The following CATSPERD variants were observed in gnomAD, a reference collection of about 807,000 sequenced individuals.
CATSPERD encodes the protein catsper channel auxiliary subunit delta.
CATSPERD carries 86 observed loss-of-function variants against 98.1 expected under a neutral mutation model. That is an observed-to-expected ratio of 0.88 (90% confidence interval 0.74 to 1.05). The LOEUF is 1.05. Among genes scored for constraint, CATSPERD ranks in the 50% least tolerant of loss-of-function variants. The pLI is 0.00. For missense variants in CATSPERD, 995 were observed against 1,005.7 expected, an observed-to-expected ratio of 0.99 and a Z score of 0.14; for synonymous variants, 394 against 390.2, an observed-to-expected ratio of 1.01 and a Z score of -0.12.
In CATSPERD at chr19:5,751,531, CAAAAAAAAAAAAAAAAAAA is replaced by C. The variant is rs57266365; in HGVS notation, c.988-97_988-79del. The C allele has an allele frequency of 1.5e-3, 236 of 159,306 alleles. 1 individual carries two copies. Among genetic ancestry groups the C allele is most frequent in the South Asian group, 2.1e-3 (18 of 8,580 alleles). The allele number at this position is 159,306 out of a possible 1,614,324, so 9.9% of individuals were successfully genotyped here. On this transcript the variant is annotated intron_variant, in intron 11 of 21. Coordinates refer to ENST00000381624, the MANE Select transcript of CATSPERD (RefSeq NM_152784.4). ...CCTGGGAGACAGAGTGAGACTCCAT[CAAAAAAAAAAAAAAAAAAA>C]AAAAAAAAAAAAAAAAAATCTGCAT...
intron 16 of CATSPERD, among the ~76,000 whole-genome samples, chr19:5,764,266 T>C (rs932150060): frequency 1.3e-5 from 2 of 148,966 alleles, no homozygotes; most frequent in Non-Finnish European, 3.0e-5. Context: ...GAATCTTGCA[T>C]TCTGTTCTAA....
chr19:5,765,091 T>C (rs547161384), intron 16 of CATSPERD, among the ~76,000 whole-genome samples: 109 of 152,242 alleles, frequency 7.2e-4, no homozygotes, highest in South Asian at 1.9e-3. Flanking sequence ...TTATTTTTCA[T>C]AGAGATGAGG....
intron 15 of CATSPERD, 81 bp downstream of exon 15, chr19:5,759,225 G>C: frequency 8.1e-7 from 1 of 1,238,382 alleles, no homozygotes. Flanking sequence ...GCAGGTCTGA[G>C]ATCAGACCCC....
At chr19:5,762,285 A>C (rs1005354989) in intron 15 of CATSPERD, among the ~76,000 whole-genome samples, 1 of 150,626 alleles carries the variant, frequency 6.6e-6, no homozygotes, top group Non-Finnish European at 1.5e-5. Context: ...AATGGTCTCG[A>C]ACTCCTTACC....
intron 10 of CATSPERD, among the ~76,000 whole-genome samples, chr19:5,748,728 C>CTTTTTT (rs527796326): frequency 3.7e-4 from 35 of 94,100 alleles, no homozygotes; most frequent in Admixed American, 5.0e-4. Flanking sequence ...TCATATTATT[C>CTTTTTT]TTTTTTTTTT....
chr19:5,762,041 CATAT>C lies in CATSPERD; in HGVS notation c.1428-1159_1428-1156del, dbSNP rs71172765. ...GTGAGAGCCACTGCGCCTGGCCTGC[CATAT>C]ATATATATATATATTTTTTTTTTTT... On this transcript the variant is annotated intron_variant, in intron 15 of 21. Transcript: ENST00000381624. 9.9e-4 allele frequency among the ~76,000 whole-genome samples: 23 copies of C among 23,254 alleles called. 2 individuals are homozygous for C. The highest frequency in any genetic ancestry group is 2.0e-3 in the Non-Finnish European group (21 of 10,436). The allele number at this position is 23,254 out of a possible 152,430, so 15.3% of individuals were successfully genotyped here.
intron 19 of CATSPERD, among the ~76,000 whole-genome samples, chr19:5,771,848 C>A (rs972026810): frequency 6.6e-6 from 1 of 152,088 alleles, no homozygotes; most frequent in Non-Finnish European, 1.5e-5. Flanking sequence ...GGATAACAGG[C>A]GTGAGCCACC....
intron 3 of CATSPERD, among the ~76,000 whole-genome samples, chr19:5,728,356 C>CA (rs564166119): frequency 0.043 from 3,475 of 80,616 alleles, 82 homozygotes; most frequent in Non-Finnish European, 0.054. Flanking sequence ...GACTCTGTCT[C>CA]AAAAAAAAAA....
chr19:5,755,485 G>A (rs564611183), intron 13 of CATSPERD, among the ~76,000 whole-genome samples: 14 of 151,992 alleles, frequency 9.2e-5, no homozygotes, highest in Non-Finnish European at 1.6e-4. Context: ...TAAATTACAT[G>A]AGGGCCGGGC....
At chr19:5,737,368 C>T (rs546212618) in intron 6 of CATSPERD, among the ~76,000 whole-genome samples, 163 bp downstream of exon 6, 18 of 151,534 alleles carry the variant, frequency 1.2e-4, no homozygotes, top group African/African-American at 4.1e-4. Flanking sequence ...TGAGACCAGC[C>T]TGGGCAACAT....
At chr19:5,732,442 G>GT (rs1381418884) in intron 4 of CATSPERD, among the ~76,000 whole-genome samples, 5 of 139,902 alleles carry the variant, frequency 3.6e-5, no homozygotes, top group Admixed American at 7.2e-5. Flanking sequence ...GTTTGTTTTT[G>GT]TTTTTTTTGA....
At chr19:5,757,723 G>T in intron 13 of CATSPERD, 120 bp from the exon 14 acceptor site, 1 of 626,930 alleles carries the variant, frequency 1.6e-6, no homozygotes, top group Non-Finnish European at 2.7e-6. Context: ...TTACAGATAT[G>T]AGCCACTACA....
At chr19:5,758,742 T>C (rs1296387375) in intron 14 of CATSPERD, among the ~76,000 whole-genome samples, 10 of 133,340 alleles carry the variant, frequency 7.5e-5, no homozygotes, top group African/African-American at 2.8e-4. Context: ...GACTCAGTCT[T>C]AAAAAAAAAA....
At position 5,748,212 on chromosome 19, in the gene CATSPERD, T is replaced by C; in HGVS notation, c.861T>C (p.Ser287=). 1 of 1,614,040 alleles carries C rather than the reference T, an allele frequency of 6.2e-7. No individual in the cohort carries two copies. Among genetic ancestry groups the C allele is most frequent in the Non-Finnish European group, 8.5e-7 (1 of 1,179,990 alleles). Residue 287 remains serine (S), a synonymous_variant, in exon 10 of 22, where the codon TCT becomes TCC. Coordinates refer to ENST00000381624, the MANE Select transcript of CATSPERD (RefSeq NM_152784.4). ...RVKKGDQTLF[S]SIFEAKITIH... is the part of the protein sequence containing the mutation. Reference sequence around the variant, plus strand: ...AAAAAGGAGACCAGACCTTGTTTTCTTCCATTTTTGAAGCCAAGATCACCA... The same window carrying C: ...AAAAAGGAGACCAGACCTTGTTTTCCTCCATTTTTGAAGCCAAGATCACCA...
intron 12 of CATSPERD, among the ~76,000 whole-genome samples, chr19:5,753,872 CA>C (rs370025485): frequency 2.8e-5 from 4 of 144,440 alleles, no homozygotes; most frequent in Non-Finnish European, 4.6e-5. Context: ...GACCCTGTCT[CA>C]AAAAAAAAAG....
chr19:5,729,109 T>G (rs1397829174), intron 3 of CATSPERD, among the ~76,000 whole-genome samples: 1 of 151,990 alleles, frequency 6.6e-6, no homozygotes, highest in Non-Finnish European at 1.5e-5. Flanking sequence ...ATCTTTTTTT[T>G]TTTGAGACAA....
intron 20 of CATSPERD, among the ~76,000 whole-genome samples, chr19:5,773,442 T>C (rs1004417344): frequency 6.6e-6 from 1 of 152,178 alleles, no homozygotes; most frequent in African/African-American, 2.4e-5. Flanking sequence ...TTGCTGATGA[T>C]GAGAAATGCC....
Position 5,751,809 on chromosome 19 carries a change from G to T in CATSPERD, c.1150G>T (p.Val384Phe). 6.2e-7 allele frequency: 1 copy of T among 1,611,426 alleles called. No individual in the cohort carries two copies. The stretch of plus-strand genomic sequence containing the variant: ...GCTTCTCATGGACCCTGAACTCCAC[G>T]TTGGAAAGTGCAAGGTATGTGATCC... ...QALLMDPELHVGKCKIEFLTG... is the reference protein window; with the variant it reads ...QALLMDPELHFGKCKIEFLTG... The change falls in exon 12 of 22, where the codon GTT becomes TTT. Residue 384 changes from valine (V) to phenylalanine (F), a missense_variant. This residue lies in a region of CATSPERD where 762 missense variants were observed against 773.7 expected (regional missense o/e 0.98). Transcript: ENST00000381624.
At chr19:5,758,742 T>TA (rs1032263861) in intron 14 of CATSPERD, among the ~76,000 whole-genome samples, 22 of 133,298 alleles carry the variant, frequency 1.7e-4, no homozygotes, top group Non-Finnish European at 1.6e-4. Flanking sequence ...GACTCAGTCT[T>TA]AAAAAAAAAA....
Sources: allele counts gnomAD v4.1 joint callset (sites outside exome capture counted in the v4.1 genomes callset), GRCh38; gene constraint gnomAD v4.1.1; regional missense constraint gnomAD v4.1.1; transcripts MANE v1.5; gene names NCBI Gene and HGNC (gene_info 2026-07-23, HGNC 2026-07-21).